The following ARHGAP6 variants were observed in gnomAD, a reference collection of about 807,000 sequenced individuals.
ARHGAP6 encodes rho GTPase-activating protein 6.
A neutral mutation model predicts 55.7 loss-of-function variants in ARHGAP6; 16 were observed. The ratio of observed to expected loss-of-function variants is 0.29; its 90% CI spans 0.19 to 0.44. ARHGAP6 has a LOEUF of 0.44. ARHGAP6 is among the 20% of genes least tolerant of loss of function. The pLI, the probability that ARHGAP6 is intolerant of heterozygous loss-of-function variation, is 1.00. For synonymous variants in ARHGAP6, 382 were observed against 360.9 expected, an observed-to-expected ratio of 1.06 and a Z score of -0.66; for missense variants, 698 against 808.9, an observed-to-expected ratio of 0.86 and a Z score of 1.66.
At chrX:11,211,725 G>A (rs2046805111) in intron 2 of ARHGAP6, among the ~76,000 whole-genome samples, 1 of 109,730 alleles carries the variant, frequency 9.1e-6, no homozygotes, top group African/African-American at 3.3e-5. Flanking sequence ...TGTATTTTTA[G>A]TAGATAGCAG....
At chrX:11,388,634 C>T (rs868555299) in intron 1 of ARHGAP6, among the ~76,000 whole-genome samples, 2 of 111,570 alleles carry the variant, frequency 1.8e-5, no homozygotes, top group Non-Finnish European at 3.8e-5. Context: ...TTGCCCATGC[C>T]TATGTCCTGA....
At chrX:11,490,298 G>A (rs1235544137) in intron 1 of ARHGAP6, among the ~76,000 whole-genome samples, 1 of 111,906 alleles carries the variant, frequency 8.9e-6, no homozygotes, top group Non-Finnish European at 1.9e-5. Flanking sequence ...AAAAGGGACA[G>A]GAGGCAAGGA....
At chrX:11,343,929 C>T (rs1282502227) in intron 1 of ARHGAP6, among the ~76,000 whole-genome samples, 1 of 111,759 alleles carries the variant, frequency 8.9e-6, no homozygotes, top group Non-Finnish European at 1.9e-5. Flanking sequence ...TTGCCTATCC[C>T]AGTATGGTTA....
rs60216139 is a variant in ARHGAP6 at position 11,513,295 on chromosome X, A to G, written c.588+150946T>C. On this transcript the variant is annotated intron_variant, in intron 1 of 12. Transcript: ENST00000337414. Reference sequence around the variant, plus strand: ...CCAGCAAAAACAAACCACCACCAACAAAAAAACCCACAAGATTTTGTTCTT... The same window carrying G: ...CCAGCAAAAACAAACCACCACCAACGAAAAAACCCACAAGATTTTGTTCTT... Among the ~76,000 whole-genome samples, 1,040 of 111,670 alleles carry G rather than the reference A, an allele frequency of 9.3e-3. 14 individuals are homozygous for G. The highest frequency in any genetic ancestry group is 0.032 in the African/African-American group (986 of 30,712).
intron 1 of ARHGAP6, among the ~76,000 whole-genome samples, chrX:11,370,144 A>G (rs1262377041): frequency 8.9e-6 from 1 of 112,472 alleles, no homozygotes; most frequent in Non-Finnish European, 1.9e-5. Flanking sequence ...GAGAATGAAT[A>G]TTAGAAAAAT....
intron 1 of ARHGAP6, among the ~76,000 whole-genome samples, chrX:11,305,874 G>A (rs2048232607): frequency 8.9e-6 from 1 of 111,971 alleles, no homozygotes; most frequent in African/African-American, 3.3e-5. Flanking sequence ...CAGCCATGGA[G>A]AATATAAAGC....
chrX:11,635,127 G>T (rs1411665275), intron 1 of ARHGAP6, among the ~76,000 whole-genome samples: 1 of 112,388 alleles, frequency 8.9e-6, no homozygotes, highest in Non-Finnish European at 1.9e-5. Context: ...GAACCGGCTA[G>T]CAAGTCAAAC....
intron 1 of ARHGAP6, among the ~76,000 whole-genome samples, chrX:11,263,577 A>G (rs888644220): frequency 9.0e-6 from 1 of 111,658 alleles, no homozygotes; most frequent in African/African-American, 3.3e-5. Flanking sequence ...TGAGGGGAAT[A>G]GGAGTGCTGC....
intron 8 of ARHGAP6, among the ~76,000 whole-genome samples, chrX:11,174,592 T>TTTTCTTTCTTTCTTTCTTTCTTTCTTTC (rs796990912): frequency 4.4e-5 from 3 of 67,437 alleles, no homozygotes; most frequent in African/African-American, 1.5e-4. Flanking sequence ...CTTTCTTTCT[T>TTTTCTTTCTTTCTTTCTTTCTTTCTTTC]TTTCTTTCTT....
At chrX:11,592,479 G>A (rs898863237) in intron 1 of ARHGAP6, among the ~76,000 whole-genome samples, 21 of 111,671 alleles carry the variant, frequency 1.9e-4, no homozygotes, top group African/African-American at 6.8e-4. Context: ...ATGAAGCTCT[G>A]GCAGCATCTT....
At chrX:11,203,423 C>T (rs753397994) in intron 2 of ARHGAP6, among the ~76,000 whole-genome samples, 2 of 111,667 alleles carry the variant, frequency 1.8e-5, no homozygotes, top group South Asian at 3.8e-4. Flanking sequence ...GATTCAGTCA[C>T]GCCACAATAA....
At chrX:11,557,898 A>G (rs1464582134) in intron 1 of ARHGAP6, among the ~76,000 whole-genome samples, 2 of 112,029 alleles carry the variant, frequency 1.8e-5, no homozygotes, top group African/African-American at 6.5e-5. Flanking sequence ...GCCTCCAATT[A>G]TATATATGTA....
At chrX:11,628,705 C>A in intron 1 of ARHGAP6, among the ~76,000 whole-genome samples, 1 of 112,242 alleles carries the variant, frequency 8.9e-6, no homozygotes, top group Non-Finnish European at 1.9e-5. Flanking sequence ...AAATCTGCTA[C>A]GTGAAAGCAA....
At chrX:11,330,100 T>C (rs1177527393) in intron 1 of ARHGAP6, among the ~76,000 whole-genome samples, 1 of 112,995 alleles carries the variant, frequency 8.8e-6, no homozygotes, top group African/African-American at 3.2e-5. Context: ...ACTGACTACA[T>C]CCCAGCTACT....
At chrX:11,635,375 A>AT (rs766272095) in intron 1 of ARHGAP6, among the ~76,000 whole-genome samples, 78 of 111,495 alleles carry the variant, frequency 7.0e-4, no homozygotes, top group African/African-American at 2.3e-3. Context: ...TTGTTTCTAC[A>AT]TTTTTTTGTA....
At chrX:11,266,058 TGTGTGTGTGTGTGTGAGAGAGAGA>T (rs1429535195) in intron 1 of ARHGAP6, 2 of 419,449 alleles carry the variant, frequency 4.8e-6, no homozygotes, top group African/African-American at 3.1e-5. Context: ...TGTGTGTGTG[TGTGTGTGTGTGTGTGAGAGAGAGA>T]GAGAGAGAGA....
intron 1 of ARHGAP6, among the ~76,000 whole-genome samples, chrX:11,289,504 G>A (rs1193458763): frequency 1.8e-5 from 2 of 111,781 alleles, no homozygotes; most frequent in African/African-American, 3.3e-5. Context: ...ATGGAGAGAA[G>A]GGAGAGCAGG....
chrX:11,494,504 C>A (rs952271838), intron 1 of ARHGAP6, among the ~76,000 whole-genome samples: 15 of 112,643 alleles, frequency 1.3e-4, no homozygotes, highest in African/African-American at 4.5e-4. Context: ...TAAGTTTATT[C>A]ACTTGAATCC....
intron 1 of ARHGAP6, among the ~76,000 whole-genome samples, chrX:11,539,723 T>G (rs1052689361): frequency 1.8e-5 from 2 of 111,381 alleles, no homozygotes; most frequent in African/African-American, 6.5e-5. Flanking sequence ...CCTCCCACTG[T>G]TTTAGGAGGG....
Sources: gnomAD v4.1 joint callset for allele counts (sites outside exome capture counted in the v4.1 genomes callset) on GRCh38, gnomAD v4.1.1 for gene constraint, MANE v1.5 for transcripts, NCBI Gene and HGNC (gene_info 2026-07-23, HGNC 2026-07-21) for gene names.